PAPSS2: variants seen among roughly 807,000 people sequenced by gnomAD.
PAPSS2 encodes bifunctional 3'-phosphoadenosine 5'-phosphosulfate synthase 2.
Under a neutral mutation model 66.5 loss-of-function variants are expected in PAPSS2, and 61 were observed. That is an observed-to-expected ratio of 0.92 (90% CI 0.75 to 1.14). PAPSS2 has a LOEUF of 1.14. Ranked by LOEUF, PAPSS2 falls within the 50% of genes most tolerant of loss-of-function variation. The pLI is 0.00. For synonymous variants in PAPSS2, 289 were observed against 287.5 expected (o/e 1.01, Z -0.05); for missense variants, 708 against 789.6 (o/e 0.90, Z 1.24).
intron 1 of PAPSS2, among the ~76,000 whole-genome samples, chr10:87,705,447 T>C (rs1268134179): frequency 6.6e-6 from 1 of 152,230 alleles, no homozygotes; most frequent in Non-Finnish European, 1.5e-5. Context: ...AATAGATATC[T>C]ATCAATGGAA....
In PAPSS2 at chr10:87,713,171, T is replaced by C. The variant is rs369500009; in HGVS notation, c.242T>C (p.Val81Ala). 6 of 1,613,340 alleles carry C rather than the reference T, an allele frequency of 3.7e-6. No individual in the cohort carries two copies. Among genetic ancestry groups the C allele is most frequent in the East Asian group, 2.2e-5 (1 of 44,866 alleles). ...IPCYSLDGDNVRHGLNRNLGF... is the reference protein window; with the variant it reads ...IPCYSLDGDNARHGLNRNLGF... ...TGTTACTCCCTGGATGGGGACAATG[T>C]CCGTCATGGCCTTAACAGAAATCTC... Residue 81 changes from valine to alanine, a missense_variant, in exon 3 of 13, where the codon GTC (valine) becomes GCC (alanine). Val to Ala is a moderately conservative substitution (Grantham distance 64, BLOSUM62 0). Coordinates refer to ENST00000456849, the MANE Select transcript of PAPSS2 (RefSeq NM_001015880.2).
At chr10:87,715,897 T>G in intron 7 of PAPSS2, 54 bp downstream of exon 7, 2 of 1,184,594 alleles carry the variant, frequency 1.7e-6, no homozygotes, top group Non-Finnish European at 2.5e-6. Context: ...AAAAAAAATC[T>G]TTCCCAGAAG....
intron 11 of PAPSS2, 26 bp from the exon 12 acceptor site, chr10:87,744,976 G>A: frequency 6.3e-7 from 1 of 1,588,288 alleles, no homozygotes; most frequent in African/African-American, 1.3e-5. Context: ...ACAATGACCA[G>A]CATGTCCCTT....
At chr10:87,739,077 T>C (rs1160314647) in intron 9 of PAPSS2, among the ~76,000 whole-genome samples, 8 of 152,246 alleles carry the variant, frequency 5.3e-5, no homozygotes, top group Admixed American at 5.2e-4. Flanking sequence ...TAATAAATCA[T>C]TTCCAACTCC....
intron 9 of PAPSS2, among the ~76,000 whole-genome samples, chr10:87,727,978 C>T (rs1853681396): frequency 1.3e-5 from 2 of 152,152 alleles, no homozygotes; most frequent in Admixed American, 6.5e-5. Flanking sequence ...AAATGATACT[C>T]TCTTAGTAAA....
chr10:87,666,331 A>G (rs773109554), intron 1 of PAPSS2, among the ~76,000 whole-genome samples: 1 of 152,214 alleles, frequency 6.6e-6, no homozygotes, highest in Non-Finnish European at 1.5e-5. Flanking sequence ...GGAAGCATCA[A>G]TCTGAATAAC....
intron 1 of PAPSS2, among the ~76,000 whole-genome samples, chr10:87,671,733 T>A (rs1852880587): frequency 6.6e-6 from 1 of 152,188 alleles, no homozygotes; most frequent in Non-Finnish European, 1.5e-5. Flanking sequence ...GAGATTGTTT[T>A]ATATACACAG....
Position 87,715,018 on chromosome 10 carries a change from C to G in PAPSS2, c.673C>G (p.His225Asp). ...ACCCTATACTATAATCAAAGATATC[C>G]ACGAACTCTTTGTGCCGGAAAACAA... ...IVPYTIIKDI[H>D]ELFVPENKLD... is the part of the protein sequence containing the mutation. The change falls in exon 6 of 13, where the codon CAC (histidine) becomes GAC (aspartate). Residue 225 changes from histidine (H) to aspartate (D), a missense_variant. By Grantham distance (81) the His-to-Asp change is moderately conservative. Coordinates refer to ENST00000456849, the MANE Select transcript of PAPSS2 (RefSeq NM_001015880.2). The G allele has an allele frequency of 3.1e-6, 5 of 1,611,504 alleles. No individual in the cohort carries two copies. The highest frequency in any genetic ancestry group is 4.2e-6 in the Non-Finnish European group (5 of 1,177,754).
intron 1 of PAPSS2, among the ~76,000 whole-genome samples, chr10:87,668,249 A>T (rs1443995775): frequency 6.6e-6 from 1 of 152,192 alleles, no homozygotes; most frequent in East Asian, 1.9e-4. Flanking sequence ...TCCCATGTGT[A>T]TTACTTTGTT....
At chr10:87,662,449 C>T (rs1564705570) in intron 1 of PAPSS2, among the ~76,000 whole-genome samples, 1 of 152,070 alleles carries the variant, frequency 6.6e-6, no homozygotes, top group Non-Finnish European at 1.5e-5. Flanking sequence ...TAGCACATTC[C>T]TTCTGTTTTA....
intron 1 of PAPSS2, among the ~76,000 whole-genome samples, chr10:87,674,791 A>T (rs913456204): frequency 2.0e-5 from 3 of 152,226 alleles, no homozygotes; most frequent in Non-Finnish European, 4.4e-5. Flanking sequence ...ATAATTTTTA[A>T]AAAGCATTTT....
intron 1 of PAPSS2, among the ~76,000 whole-genome samples, chr10:87,694,019 C>T (rs914157409): frequency 3.3e-5 from 5 of 152,282 alleles, no homozygotes; most frequent in South Asian, 4.1e-4. Context: ...AACAAATCAA[C>T]GAAACGTTTA....
rs1554865462 is a variant in PAPSS2, at chr10:87,713,312, T to TTAAAAA, written c.381+2_381+3insTAAAAA. 7 of 575,166 alleles carry TTAAAAA rather than the reference T, an allele frequency of 1.2e-5. No homozygotes were observed. Among genetic ancestry groups the TTAAAAA allele is most frequent in the Admixed American group, 7.2e-5 (2 of 27,906 alleles). The allele number at this position is 575,166 out of a possible 1,614,324, so 35.6% of individuals were successfully genotyped here. A position where few individuals can be genotyped will look rare whatever the true frequency, so the allele number is the denominator to read the frequency against. On this transcript the variant is annotated splice_region_variant and intron_variant, in intron 3 of 12. Coordinates refer to ENST00000456849, the MANE Select transcript of PAPSS2 (RefSeq NM_001015880.2). ...AGCTTTATTTCTCCATTCGCAAAGG[T>TTAAAAA]AAAAAAAAAAAAAAAAAAAAAAGGC...
chr10:87,710,940 T>C (rs1031452756), intron 2 of PAPSS2, among the ~76,000 whole-genome samples: 1 of 152,090 alleles, frequency 6.6e-6, no homozygotes, highest in African/African-American at 2.4e-5. Context: ...GAGGCAGAAG[T>C]TGCAGGGAGC....
chr10:87,715,199 C>T (rs557350619), intron 6 of PAPSS2, 101 bp downstream of exon 6: 493 of 729,712 alleles, frequency 6.8e-4, no homozygotes, highest in Non-Finnish European at 7.1e-4. Context: ...ATAAGGTGCA[C>T]ATAATGTCCA....
chr10:87,727,356 G>A lies in PAPSS2; in HGVS notation c.953G>A (p.Cys318Tyr). 1 of 1,614,080 alleles carries A rather than the reference G, an allele frequency of 6.2e-7. No individual in the cohort carries two copies. Among genetic ancestry groups the A allele is most frequent in the East Asian group, 2.2e-5 (1 of 44,870 alleles). Residue 318 changes from cysteine to tyrosine, a missense_variant, in exon 9 of 13, where the codon TGC becomes TAC. Cys to Tyr is a radical substitution (Grantham distance 194, BLOSUM62 -2). Transcript: ENST00000456849. ...GAGGATAAGACACGGCTGGAAGGGTGCAGCAAGTTTGTCCTGGCACATGGT... is the reference window on the plus strand; with the variant it reads ...GAGGATAAGACACGGCTGGAAGGGTACAGCAAGTTTGTCCTGGCACATGGT... ...SAEDKTRLEG[C>Y]SKFVLAHGGR... is the part of the protein sequence containing the mutation.
At chr10:87,660,627 CTG>C (rs1852738374) in intron 1 of PAPSS2, among the ~76,000 whole-genome samples, 1 of 151,760 alleles carries the variant, frequency 6.6e-6, no homozygotes, top group South Asian at 2.1e-4. Context: ...GATGAGGGGA[CTG>C]TGTTGAGGAG....
intron 9 of PAPSS2, 43 bp downstream of exon 9, chr10:87,727,532 A>T (rs1352445682): frequency 1.4e-6 from 2 of 1,466,776 alleles, no homozygotes; most frequent in Middle Eastern, 1.7e-4. Context: ...GAGCTATTTA[A>T]ACTGAGAAGA....
chr10:87,682,237 C>T (rs529968159), intron 1 of PAPSS2, among the ~76,000 whole-genome samples: 8 of 152,146 alleles, frequency 5.3e-5, no homozygotes, highest in Non-Finnish European at 8.8e-5. Context: ...ATAGCCATGC[C>T]GGCTAGGCTA....
Sources: allele counts gnomAD v4.1 joint callset (sites outside exome capture counted in the v4.1 genomes callset), GRCh38; gene constraint gnomAD v4.1.1; transcripts MANE v1.5; gene names NCBI Gene and HGNC (gene_info 2026-07-23, HGNC 2026-07-21).